Variants in ADAMTS14 observed in about 807,000 individuals in gnomAD.
ADAMTS14 encodes the protein ADAM metallopeptidase with thrombospondin type 1 motif 14, also known as A disintegrin and metalloproteinase with thrombospondin motifs 14.
ADAMTS14 carries 100 observed loss-of-function variants against 128.6 expected under a neutral mutation model. That is an observed-to-expected ratio of 0.78 (90% CI 0.66 to 0.92). The LOEUF is 0.92. ADAMTS14 is among the 40% of genes least tolerant of loss of function. The pLI is 0.00. For missense variants in ADAMTS14, 1,562 were observed against 1,658.6 expected, an observed-to-expected ratio of 0.94 and a Z score of 1.01; for synonymous variants, 665 against 653.8, an observed-to-expected ratio of 1.02 and a Z score of -0.26.
chr10:70,706,967 C>T (rs1433983906), intron 3 of ADAMTS14, among the ~76,000 whole-genome samples: 1 of 152,184 alleles, frequency 6.6e-6, no homozygotes, highest in Non-Finnish European at 1.5e-5. Context: ...GTAAAATAAA[C>T]AATCACAATG....
chr10:70,726,998 G>T (rs2132661121), intron 4 of ADAMTS14, among the ~76,000 whole-genome samples: 1 of 152,376 alleles, frequency 6.6e-6, no homozygotes. Context: ...CCCTCAGTGG[G>T]TGCTGGTCTT....
rs72814563 is a variant in ADAMTS14, at chr10:70,710,520, C to A, written c.870+1742C>A. Among the ~76,000 whole-genome samples the A allele has an allele frequency of 6.1e-3, 923 of 152,316 alleles. 3 individuals are homozygous for A. Among genetic ancestry groups the A allele is most frequent in the Non-Finnish European group, 8.7e-3 (592 of 68,028 alleles). ...GTATGCCAAGGCCGGGATAGAATCA[C>A]CTTATCCTCAGTCTAACATGGGCAG... is the stretch of plus-strand genomic sequence containing the variant. On this transcript the variant is annotated intron_variant, in intron 4 of 21. Transcript: ENST00000373207.
chr10:70,708,485 G>A, intron 3 of ADAMTS14, 103 bp from the exon 4 acceptor site: 2 of 1,034,742 alleles, frequency 1.9e-6, no homozygotes, highest in Non-Finnish European at 2.8e-6. Context: ...CAGAGGCAGG[G>A]AAAGGGGCAC....
chr10:70,711,773 GT>G (rs1245651271), intron 4 of ADAMTS14, among the ~76,000 whole-genome samples: 1 of 152,150 alleles, frequency 6.6e-6, no homozygotes, highest in African/African-American at 2.4e-5. Flanking sequence ...GAGGTGATTG[GT>G]AAACGTGGAG....
intron 12 of ADAMTS14, among the ~76,000 whole-genome samples, chr10:70,742,977 A>C (rs1426028452): frequency 6.6e-6 from 1 of 152,106 alleles, no homozygotes; most frequent in African/African-American, 2.4e-5. Context: ...CATGTCATAC[A>C]TGTGCACAGT....
At chr10:70,742,133 C>T (rs1340153449) in intron 12 of ADAMTS14, among the ~76,000 whole-genome samples, 3 of 152,186 alleles carry the variant, frequency 2.0e-5, no homozygotes, top group African/African-American at 7.2e-5. Flanking sequence ...CCAGAGCATC[C>T]TTGCAGGGGG....
chr10:70,690,994 T>C lies in ADAMTS14; in HGVS notation c.523-11318T>C, dbSNP rs527355500. 2.8e-5 allele frequency among the ~76,000 whole-genome samples: 4 copies of C among 144,750 alleles called. 2 individuals are homozygous for C. The highest frequency in any genetic ancestry group is 6.3e-5 in the Non-Finnish European group (4 of 63,176). The allele number at this position is 144,750 out of a possible 152,430, so 95.0% of individuals were successfully genotyped here. A position where few individuals can be genotyped will look rare whatever the true frequency, so the allele number is the denominator to read the frequency against. On this transcript the variant is annotated intron_variant, in intron 2 of 21. Coordinates refer to ENST00000373207, the MANE Select transcript of ADAMTS14 (RefSeq NM_080722.4). ...ACAGAGGGGGAAGCCTCAGAGCCGC[T>C]TGGCTCCTGGGCACTCGGGAATGGA... is the stretch of plus-strand genomic sequence containing the variant.
Position 70,760,581 on chromosome 10 carries a change from C to G in ADAMTS14, c.3400C>G (p.Pro1134Ala). The change falls in exon 22 of 22, where the codon CCT becomes GCT. Residue 1134 changes from proline to alanine, a missense_variant. Coordinates refer to ENST00000373207, the MANE Select transcript of ADAMTS14 (RefSeq NM_080722.4). ...GGACCCTGCAGATGCTGCAGAGCCT[C>G]CTGGAAAGCCAACGGGATCAGAGGA... ...PQDPADAAEPPGKPTGSEDHQ... is the reference protein window; with the variant it reads ...PQDPADAAEPAGKPTGSEDHQ... 2 of 1,613,902 alleles carry G rather than the reference C, an allele frequency of 1.2e-6. No individual in the cohort carries two copies. The highest frequency in any genetic ancestry group is 1.7e-6 in the Non-Finnish European group (2 of 1,179,916).
At chr10:70,730,413 G>A (rs1459719725) in intron 6 of ADAMTS14, among the ~76,000 whole-genome samples, 164 bp downstream of exon 6, 1 of 152,228 alleles carries the variant, frequency 6.6e-6, no homozygotes, top group Non-Finnish European at 1.5e-5. Context: ...GGTTTATTGG[G>A]ACCGTGGGAA....
At chr10:70,678,320 A>G (rs1839704784) in intron 2 of ADAMTS14, among the ~76,000 whole-genome samples, 1 of 152,224 alleles carries the variant, frequency 6.6e-6, no homozygotes, top group South Asian at 2.1e-4. Context: ...CTTGGGTGCC[A>G]TGCAGGGGGA....
chr10:70,722,334 G>C (rs1388444034), intron 4 of ADAMTS14, among the ~76,000 whole-genome samples: 1 of 152,178 alleles, frequency 6.6e-6, no homozygotes, highest in Non-Finnish European at 1.5e-5. Flanking sequence ...AAGGACAGGA[G>C]GGGTCACTGT....
chr10:70,690,090 A>C (rs1381592905), intron 2 of ADAMTS14, among the ~76,000 whole-genome samples: 1 of 144,736 alleles, frequency 6.9e-6, no homozygotes, highest in Non-Finnish European at 1.6e-5. Flanking sequence ...GGGGCTTCTC[A>C]GTCATCATCT....
Position 70,736,668 on chromosome 10 carries a change from C to T in ADAMTS14, c.1486-12C>T, listed in dbSNP as rs1841836765. The T allele has an allele frequency of 1.2e-6, 2 of 1,612,158 alleles. No individual in the cohort carries two copies. The highest frequency in any genetic ancestry group is 8.5e-7 in the Non-Finnish European group (1 of 1,178,902). Reference sequence around the variant, plus strand: ...CAGTCCAGTCTGGTGACCCCATTCCCTTGCCATGCAGTTCAGGACCTTTGA... The same window carrying T: ...CAGTCCAGTCTGGTGACCCCATTCCTTTGCCATGCAGTTCAGGACCTTTGA... On this transcript the variant is annotated splice_polypyrimidine_tract_variant and intron_variant, in intron 9 of 21. Transcript: ENST00000373207.
chr10:70,674,141 C>A (rs1839568166), intron 1 of ADAMTS14, among the ~76,000 whole-genome samples: 1 of 152,132 alleles, frequency 6.6e-6, no homozygotes. Context: ...AGGGCACTAC[C>A]CCAGCCTGGG....
At chr10:70,695,188 A>G (rs1353709469) in intron 2 of ADAMTS14, among the ~76,000 whole-genome samples, 1 of 152,046 alleles carries the variant, frequency 6.6e-6, no homozygotes, top group African/African-American at 2.4e-5. Flanking sequence ...TCCCTTTCCC[A>G]CTTTAAAACT....
rs753391063 is a variant in ADAMTS14, at chr10:70,733,945, C to T, written c.1269C>T (p.Ser423=). The T allele has an allele frequency of 1.5e-5, 24 of 1,613,884 alleles. No individual in the cohort carries two copies. Among genetic ancestry groups the T allele is most frequent in the South Asian group, 2.2e-5 (2 of 91,066 alleles). ...GTGCAGATGAGACCAGCCTGGGCAG[C>T]GTCATGGCGCCCCTGGTGCAGGCTG... ...NGCADETSLG[S]VMAPLVQAAF... The change falls in exon 8 of 22, where the codon AGC becomes AGT. Residue 423 remains serine, a synonymous_variant. Transcript: ENST00000373207.
intron 18 of ADAMTS14, among the ~76,000 whole-genome samples, chr10:70,752,499 G>A (rs1842379422): frequency 6.6e-6 from 1 of 152,196 alleles, no homozygotes. Context: ...CTGGCTTGCG[G>A]CTACATGCTC....
At chr10:70,699,966 G>T (rs954747485) in intron 2 of ADAMTS14, among the ~76,000 whole-genome samples, 2 of 152,020 alleles carry the variant, frequency 1.3e-5, no homozygotes, top group African/African-American at 4.8e-5. Context: ...GACTCATGCT[G>T]TCTCCTGCTT....
chr10:70,696,745 C>A (rs1840343104), intron 2 of ADAMTS14, among the ~76,000 whole-genome samples: 1 of 152,076 alleles, frequency 6.6e-6, no homozygotes, highest in African/African-American at 2.4e-5. Context: ...GTGAGCAGGG[C>A]AGTGGGGGAA....
Sources: gnomAD v4.1 joint callset for allele counts (sites outside exome capture counted in the v4.1 genomes callset) on GRCh38, gnomAD v4.1.1 for gene constraint, MANE v1.5 for transcripts, NCBI Gene and HGNC (gene_info 2026-07-23, HGNC 2026-07-21) for gene names.